The following PRICKLE2 variants were observed in gnomAD, a reference collection of about 807,000 sequenced individuals.
PRICKLE2 encodes prickle planar cell polarity protein 2, also known as prickle-like protein 2.
In PRICKLE2, 21 loss-of-function variants were observed where a neutral mutation model predicts 81.4. The ratio of observed to expected loss-of-function variants is 0.26; its 90% CI spans 0.18 to 0.37. The LOEUF is 0.37. Among genes scored for constraint, PRICKLE2 ranks in the 10% least tolerant of loss-of-function variants. The pLI, the probability that PRICKLE2 is intolerant of heterozygous loss-of-function variation, is 1.00. For synonymous variants in PRICKLE2, 456 were observed against 421.5 expected, an observed-to-expected ratio of 1.08 and a Z score of -1.00; for missense variants, 940 against 1,109.0, an observed-to-expected ratio of 0.85 and a Z score of 2.16.
intron 2 of PRICKLE2, among the ~76,000 whole-genome samples, chr3:64,166,382 T>C (rs1479798771): frequency 6.6e-6 from 1 of 152,114 alleles, no homozygotes; most frequent in Admixed American, 6.5e-5. Context: ...AATCCCAACA[T>C]GACATGACTG....
chr3:64,208,284 C>A (rs1273218880), intron 1 of PRICKLE2, among the ~76,000 whole-genome samples: 1 of 152,110 alleles, frequency 6.6e-6, no homozygotes, highest in Non-Finnish European at 1.5e-5. Flanking sequence ...CTGAGATAAT[C>A]CTGCCTTGAA....
upstream of PRICKLE2, among the ~76,000 whole-genome samples, chr3:64,226,115 A>G (rs919380079): frequency 6.6e-6 from 1 of 152,162 alleles, no homozygotes; most frequent in African/African-American, 2.4e-5. Context: ...GGGCATCTGA[A>G]GACCCTGAGA....
chr3:64,263,547 T>TG (rs1445998633), intron 2 of PRICKLE2, among the ~76,000 whole-genome samples: 1 of 152,084 alleles, frequency 6.6e-6, no homozygotes, highest in Non-Finnish European at 1.5e-5. Context: ...ACACTCAGAA[T>TG]GGGGGGATAT....
intron 7 of PRICKLE2, among the ~76,000 whole-genome samples, chr3:64,112,082 A>C (rs17069928): frequency 0.035 from 5,374 of 152,234 alleles, 308 homozygotes; most frequent in African/African-American, 0.12. Context: ...CCTGGTGGCC[A>C]ACACACTAAG....
intron 1 of PRICKLE2, among the ~76,000 whole-genome samples, chr3:64,220,220 G>A (rs1412601895): frequency 1.3e-5 from 2 of 152,194 alleles, no homozygotes; most frequent in Non-Finnish European, 2.9e-5. Context: ...GCCAAGAAAA[G>A]AGCTGGAAAA....
At chr3:64,175,996 A>C (rs2078015994) in intron 2 of PRICKLE2, among the ~76,000 whole-genome samples, 1 of 152,188 alleles carries the variant, frequency 6.6e-6, no homozygotes, top group Non-Finnish European at 1.5e-5. Flanking sequence ...CCCATCATCC[A>C]TGTGTTAGTG....
At chr3:64,168,772 C>T (rs1490998796) in intron 2 of PRICKLE2, among the ~76,000 whole-genome samples, 1 of 152,156 alleles carries the variant, frequency 6.6e-6, no homozygotes, top group Non-Finnish European at 1.5e-5. Flanking sequence ...AAATCATACC[C>T]AGATACAGTA....
At chr3:64,178,441 T>G (rs151173919) in intron 2 of PRICKLE2, among the ~76,000 whole-genome samples, 44 of 152,328 alleles carry the variant, frequency 2.9e-4, no homozygotes, top group Admixed American at 1.2e-3. Context: ...AGTGAAAAGC[T>G]TTTTTCCTGG....
chr3:64,203,964 C>T (rs1283730984), intron 1 of PRICKLE2, among the ~76,000 whole-genome samples: 4 of 151,724 alleles, frequency 2.6e-5, no homozygotes, highest in Non-Finnish European at 4.4e-5. Context: ...GGTGACAGAG[C>T]GAGATGCTGT....
Position 64,126,780 on chromosome 3 carries a change from G to A in PRICKLE2, c.1660+20050C>T, listed in dbSNP as rs144568576. ...TTTAGTGGAGACGGGGTTTCACCAC[G>A]TTGGCCAGACTGGTCTCGAACTCCT... On this transcript the variant is annotated intron_variant, in intron 7 of 7. Transcript: ENST00000638394. Among the ~76,000 whole-genome samples, 11 of 152,178 alleles carry A rather than the reference G, an allele frequency of 7.2e-5. No homozygotes were observed. In the East Asian group the frequency reaches 1.2e-3, roughly 16 times the overall value.
At chr3:64,185,078 G>A (rs17665251) in intron 2 of PRICKLE2, among the ~76,000 whole-genome samples, 25,981 of 152,128 alleles carry the variant, frequency 0.17, 2,453 homozygotes, top group Non-Finnish European at 0.2. Context: ...CCAAATGTTA[G>A]GGCCTACATG....
At chr3:64,119,634 T>C (rs990248956) in intron 7 of PRICKLE2, among the ~76,000 whole-genome samples, 1 of 152,228 alleles carries the variant, frequency 6.6e-6, no homozygotes, top group Non-Finnish European at 1.5e-5. Context: ...TCAGCCACTG[T>C]GAAAAGCAGC....
chr3:64,123,423 G>C (rs2077059428), intron 7 of PRICKLE2, among the ~76,000 whole-genome samples: 1 of 152,196 alleles, frequency 6.6e-6, no homozygotes, highest in African/African-American at 2.4e-5. Flanking sequence ...AGCATTTCAA[G>C]TTTTGGATTT....
Position 64,147,482 on chromosome 3 carries a change from G to C in PRICKLE2, c.1008C>G (p.Arg336=). 1 of 1,614,258 alleles carries C rather than the reference G, an allele frequency of 6.2e-7. No individual in the cohort carries two copies. The change falls in exon 7 of 8, where the codon CGC becomes CGG. Residue 336 remains arginine, a synonymous_variant. Coordinates refer to ENST00000638394, the MANE Select transcript of PRICKLE2 (RefSeq NM_198859.4). The surrounding 1 kb of genome is among the most constrained non-coding windows in gnomAD (Gnocchi z 5.0). ...FQNARAKESR[R]SAKIGKNKGK... is the part of the protein sequence containing the mutation. ...CCTTGTTCTTGCCAATTTTGGCACTGCGCCGGGACTCCTTGGCCCTGGCGT... is the reference window on the plus strand; with the variant it reads ...CCTTGTTCTTGCCAATTTTGGCACTCCGCCGGGACTCCTTGGCCCTGGCGT...
At chr3:64,167,332 GT>G (rs1243437037) in intron 2 of PRICKLE2, among the ~76,000 whole-genome samples, 1 of 152,186 alleles carries the variant, frequency 6.6e-6, no homozygotes, top group African/African-American at 2.4e-5. Flanking sequence ...TCTGTTGAAT[GT>G]GCTAAAGACT....
At chr3:64,255,915 C>G (rs1477079655) in intron 2 of PRICKLE2, among the ~76,000 whole-genome samples, 1 of 152,110 alleles carries the variant, frequency 6.6e-6, no homozygotes, top group East Asian at 1.9e-4. Context: ...GGAATGCAGA[C>G]ATGGTGGCAG....
rs1267469292 is a variant in PRICKLE2 at position 64,232,639 on chromosome 3, A to G, written c.129-33672T>C. 3.4e-5 allele frequency among the ~76,000 whole-genome samples: 5 copies of G among 147,776 alleles called. No individual in the cohort carries two copies. The South Asian group carries it at 8.8e-4, about 26-fold the overall frequency. Reference sequence around the variant, plus strand: ...TAAGTCCTGGGACTCCTGTATATCTACATTTGCTTCTCTGGTCTAGGGTAG... The same window carrying G: ...TAAGTCCTGGGACTCCTGTATATCTGCATTTGCTTCTCTGGTCTAGGGTAG... On this transcript the variant is annotated intron_variant, in intron 2 of 8. Transcript: ENST00000295902.
intron 2 of PRICKLE2, among the ~76,000 whole-genome samples, chr3:64,230,931 A>G (rs2079093434): frequency 6.6e-6 from 1 of 152,320 alleles, no homozygotes; most frequent in East Asian, 1.9e-4. Context: ...AAAACTGTTC[A>G]TGATAACATA....
At position 64,217,159 on chromosome 3, in the gene PRICKLE2, G is replaced by A. The variant is rs1575678262; in HGVS notation, c.-41+7751C>T. Among the ~76,000 whole-genome samples, 6 of 152,226 alleles carry A rather than the reference G, an allele frequency of 3.9e-5. 1 individual carries two copies. Among genetic ancestry groups the A allele is most frequent in the Admixed American group, 6.5e-5 (1 of 15,280 alleles). ...CCTACAGAAAACAGCCCCTTGTAAA[G>A]GAGGTATTCCTCTGACAGCATCACA... On this transcript the variant is annotated intron_variant, in intron 1 of 7. Coordinates refer to ENST00000638394, the MANE Select transcript of PRICKLE2 (RefSeq NM_198859.4).
Sources: gnomAD v4.1 joint callset for allele counts (sites outside exome capture counted in the v4.1 genomes callset) on GRCh38, gnomAD v4.1.1 for gene constraint, Gnocchi (gnomAD v3.1) non-coding constraint, MANE v1.5 for transcripts, NCBI Gene and HGNC (gene_info 2026-07-23, HGNC 2026-07-21) for gene names.